The following SKA3 variants were observed in gnomAD, a reference collection of about 807,000 sequenced individuals.
The protein encoded by SKA3 is spindle and kinetochore associated complex subunit 3.
In SKA3, 39 loss-of-function variants were observed where a neutral mutation model predicts 44.2. The observed-to-expected ratio is 0.88, with a 90% CI of 0.68 to 1.15. The LOEUF is 1.15. Among genes scored for constraint, SKA3 ranks in the 50% most tolerant of loss-of-function variants. The pLI is 0.00. For synonymous variants in SKA3, 192 were observed against 172.0 expected, an observed-to-expected ratio of 1.12 and a Z score of -0.91; for missense variants, 511 against 485.8, an observed-to-expected ratio of 1.05 and a Z score of -0.49.
chr13:21,168,168 A>G lies in SKA3; in HGVS notation c.563T>C (p.Ile188Thr), dbSNP rs1159681676. The G allele has an allele frequency of 1.2e-6, 2 of 1,614,126 alleles. No individual in the cohort carries two copies. The highest frequency in any genetic ancestry group is 1.1e-5 in the South Asian group (1 of 91,074). ...TGATTGTTTGGTAGGTGGGGTTACA[A>G]TTACGGGCTCTTCCTTATAGTTGTT... ...AVNNYKEEPV[I>T]VTPPTKQSLV... The change falls in exon 4 of 9, where the codon ATT (isoleucine) becomes ACT (threonine). Residue 188 changes from isoleucine to threonine, a missense_variant. Ile to Thr is a moderately conservative substitution (Grantham distance 89, BLOSUM62 -1). Coordinates refer to ENST00000314759, the MANE Select transcript of SKA3 (RefSeq NM_145061.6).
intron 1 of SKA3, 51 bp downstream of exon 1, chr13:21,176,324 C>G: frequency 7.6e-7 from 1 of 1,312,392 alleles, no homozygotes; most frequent in South Asian, 1.6e-5. Flanking sequence ...CCACGCCCCT[C>G]CGCCCGCGGC....
intron 4 of SKA3, among the ~76,000 whole-genome samples, chr13:21,162,293 T>G (rs1870483511): frequency 6.6e-6 from 1 of 152,208 alleles, no homozygotes; most frequent in Admixed American, 6.5e-5. Context: ...AGTTCAGGAT[T>G]GATTTTCACT....
At chr13:21,165,935 A>G (rs558728734) in intron 4 of SKA3, among the ~76,000 whole-genome samples, 1 of 152,282 alleles carries the variant, frequency 6.6e-6, no homozygotes, top group Admixed American at 6.5e-5. Context: ...CCTTGTCTCA[A>G]AACAATAACA....
At chr13:21,162,434 C>T (rs1216984854) in intron 4 of SKA3, among the ~76,000 whole-genome samples, 3 of 151,472 alleles carry the variant, frequency 2.0e-5, no homozygotes, top group African/African-American at 4.9e-5. Context: ...GGTGCTATCT[C>T]GGCTCATTGC....
intron 4 of SKA3, among the ~76,000 whole-genome samples, chr13:21,164,505 A>T (rs1235350298): frequency 2.6e-5 from 4 of 152,260 alleles, no homozygotes; most frequent in Admixed American, 2.6e-4. Flanking sequence ...ATTCCTGACA[A>T]TGATATATGA....
intron 8 of SKA3, 107 bp downstream of exon 8, chr13:21,155,586 T>C: frequency 1.6e-6 from 1 of 632,342 alleles, no homozygotes; most frequent in African/African-American, 1.8e-5. Context: ...TTTGTATTTT[T>C]AGTAGAGACG....
At chr13:21,162,461 G>A (rs976373539) in intron 4 of SKA3, among the ~76,000 whole-genome samples, 1 of 151,820 alleles carries the variant, frequency 6.6e-6, no homozygotes, top group Non-Finnish European at 1.5e-5. Flanking sequence ...CACCTCCCAG[G>A]TTCAAGTGAT....
At chr13:21,165,504 C>T (rs1565994242) in intron 4 of SKA3, among the ~76,000 whole-genome samples, 1 of 152,078 alleles carries the variant, frequency 6.6e-6, no homozygotes. Context: ...TATCTTCTTT[C>T]AGCCTCTTAC....
At chr13:21,173,625 C>A (rs1565997330) in intron 1 of SKA3, among the ~76,000 whole-genome samples, 1 of 152,136 alleles carries the variant, frequency 6.6e-6, no homozygotes, top group Non-Finnish European at 1.5e-5. Context: ...TGGACTCAAA[C>A]AATATGTACT....
At chr13:21,159,109 T>C (rs1870294703) in intron 6 of SKA3, among the ~76,000 whole-genome samples, 1 of 152,152 alleles carries the variant, frequency 6.6e-6, no homozygotes, top group African/African-American at 2.4e-5. Flanking sequence ...AAGAAGTAAA[T>C]ATTAGTTCTT....
Position 21,176,531 on chromosome 13 carries a change from C to G in SKA3, c.-54G>C, listed in dbSNP as rs1010027916. The G allele has an allele frequency of 7.9e-6, 8 of 1,008,368 alleles. No homozygotes were observed. The South Asian group carries it at 1.7e-4, about 21-fold the overall frequency. 62.5% of individuals were successfully genotyped at this position (1,008,368 alleles called of 1,614,324 possible). ...CGTACGCAGACCCCACCGCTCAGCT[C>G]ACAGCCTCCCGCCACTAGTTTGAAT... On this transcript the variant is annotated 5_prime_UTR_variant, in exon 1 of 9. Coordinates refer to ENST00000314759, the MANE Select transcript of SKA3 (RefSeq NM_145061.6).
rs772548502 is a variant in SKA3 at position 21,172,506 on chromosome 13, T to G, written c.166-2A>C. 3.3e-6 allele frequency: 4 copies of G among 1,220,994 alleles called. No homozygotes were observed. Among genetic ancestry groups the G allele is most frequent in the South Asian group, 1.7e-5 (1 of 57,668 alleles). 75.6% of individuals were successfully genotyped at this position (1,220,994 alleles called of 1,614,324 possible). A position where few individuals can be genotyped will look rare whatever the true frequency, so the allele number is the denominator to read the frequency against. ...ATCAAGAAGAATATTAACATCATCC[T>G]TTTATGAATAAAGAAAGTACATTTT... is the stretch of plus-strand genomic sequence containing the variant. On this transcript the variant is annotated splice_acceptor_variant, in intron 2 of 8. Transcript: ENST00000314759. LOFTEE classifies it high-confidence loss of function.
chr13:21,159,874 T>C (rs1870336715), intron 6 of SKA3, 28 bp downstream of exon 6: 1 of 1,556,512 alleles, frequency 6.4e-7, no homozygotes, highest in African/African-American at 1.4e-5. Context: ...GGAGAAAGAC[T>C]GTGGCTTTCA....
Position 21,176,532 on chromosome 13 carries a change from A to C in SKA3, c.-55T>G. ...GTACGCAGACCCCACCGCTCAGCTC[A>C]CAGCCTCCCGCCACTAGTTTGAATC... On this transcript the variant is annotated 5_prime_UTR_variant, in exon 1 of 9. Transcript: ENST00000314759. 488 of 998,264 alleles carry C rather than the reference A, an allele frequency of 4.9e-4. No individual in the cohort carries two copies. The highest frequency in any genetic ancestry group is 5.8e-4 in the Non-Finnish European group (441 of 759,924). The allele number at this position is 998,264 out of a possible 1,614,324, so 61.8% of individuals were successfully genotyped here.
chr13:21,159,962 C>A lies in SKA3; in HGVS notation c.855G>T (p.Leu285Phe). ...KSDAEYTNSP[L>F]VPTFCTPGLK... ...AACCAGGAGTACAGAATGTAGGTAC[C>A]AAAGGAGAGTTGGTATATTCGGCAT... The change falls in exon 6 of 9, where the codon TTG (leucine) becomes TTT (phenylalanine). Residue 285 changes from leucine (L) to phenylalanine (F), a missense_variant. Physicochemically the swap from Leu to Phe is conservative, Grantham distance 22 (BLOSUM62 0). Coordinates refer to ENST00000314759, the MANE Select transcript of SKA3 (RefSeq NM_145061.6). The A allele has an allele frequency of 6.2e-7, 1 of 1,606,026 alleles. No individual in the cohort carries two copies. Among genetic ancestry groups the A allele is most frequent in the South Asian group, 1.1e-5 (1 of 89,856 alleles).
chr13:21,172,667 G>A lies in SKA3; in HGVS notation c.118C>T (p.Pro40Ser). The A allele has an allele frequency of 6.3e-7, 1 of 1,576,052 alleles. No individual in the cohort carries two copies. Among genetic ancestry groups the A allele is most frequent in the East Asian group, 2.2e-5 (1 of 44,526 alleles). ...TGAAGGTCATATAAAATTCTCATTG[G>A]ATAATCTTCAAAGTCTTCAATATGA... The part of the protein sequence containing the change: ...DGEESDFEDY[P>S]MRILYDLHSE... Residue 40 changes from proline to serine, a missense_variant, in exon 2 of 9, where the codon CCA becomes TCA. Coordinates refer to ENST00000314759, the MANE Select transcript of SKA3 (RefSeq NM_145061.6).
Position 21,168,205 on chromosome 13 carries a change from G to C in SKA3, c.526C>G (p.Pro176Ala), listed in dbSNP as rs368523065. 1.2e-6 allele frequency: 2 copies of C among 1,614,156 alleles called. No individual in the cohort carries two copies. Among genetic ancestry groups the C allele is most frequent in the Non-Finnish European group, 1.7e-6 (2 of 1,180,002 alleles). ...YIVSQVLPNPPQAVNNYKEEP... is the reference protein window; with the variant it reads ...YIVSQVLPNPAQAVNNYKEEP... ...TCCTTATAGTTGTTCACTGCCTGTG[G>C]AGGGTTTGGTAGAACTTGGGATACG... The change falls in exon 4 of 9, where the codon CCA (proline) becomes GCA (alanine). Residue 176 changes from proline to alanine, a missense_variant. Physicochemically the swap from Pro to Ala is conservative, Grantham distance 27. Transcript: ENST00000314759.
chr13:21,168,334 C>T lies in SKA3; in HGVS notation c.397G>A (p.Asp133Asn), dbSNP rs772989015. ...LSNCENFQKTDVKDDLSDPPV... is the reference protein window; with the variant it reads ...LSNCENFQKTNVKDDLSDPPV... ...GGATCAGACAGATCATCTTTCACAT[C>T]AGTCTTCTGAAAATTTTCACAATTA... The change falls in exon 4 of 9, where the codon GAT becomes AAT. Residue 133 changes from aspartate (D) to asparagine (N), a missense_variant. Physicochemically the swap from Asp to Asn is conservative, Grantham distance 23. Coordinates refer to ENST00000314759, the MANE Select transcript of SKA3 (RefSeq NM_145061.6). 1.1e-5 allele frequency: 18 copies of T among 1,613,960 alleles called. No individual in the cohort carries two copies. In the African/African-American group the frequency reaches 1.6e-4, roughly 14 times the overall value.
At chr13:21,164,870 T>C (rs1565994033) in intron 4 of SKA3, among the ~76,000 whole-genome samples, 1 of 152,118 alleles carries the variant, frequency 6.6e-6, no homozygotes, top group Non-Finnish European at 1.5e-5. Flanking sequence ...TGAATCACCA[T>C]GCCTGACTCA....
Sources: gnomAD v4.1 joint callset for allele counts (sites outside exome capture counted in the v4.1 genomes callset) on GRCh38, gnomAD v4.1.1 for gene constraint, MANE v1.5 for transcripts, NCBI Gene and HGNC (gene_info 2026-07-23, HGNC 2026-07-21) for gene names.